The following ABCC9 variants were observed in gnomAD, a reference collection of about 807,000 sequenced individuals.
ABCC9 encodes ATP-binding cassette sub-family C member 9.
A neutral mutation model predicts 188.3 loss-of-function variants in ABCC9; 95 were observed. The ratio of observed to expected loss-of-function variants is 0.50; its 90% confidence interval spans 0.43 to 0.60. ABCC9 has a LOEUF of 0.60. Ranked by LOEUF, ABCC9 falls within the 20% of genes least tolerant of loss-of-function variation. The pLI is 0.00. For missense variants in ABCC9, 1,102 were observed against 1,876.3 expected (o/e 0.59, Z 7.62); for synonymous variants, 659 against 652.7 (o/e 1.01, Z -0.15).
At chr12:21,855,433 G>T (rs11046213) in intron 22 of ABCC9, among the ~76,000 whole-genome samples, 46,983 of 151,958 alleles carry the variant, frequency 0.31, 8,834 homozygotes, top group South Asian at 0.48. Context: ...TGTTGGTCAG[G>T]CTGGTTTCAT....
chr12:21,878,018 A>G (rs1946449916), intron 16 of ABCC9, among the ~76,000 whole-genome samples: 1 of 152,174 alleles, frequency 6.6e-6, no homozygotes, highest in Non-Finnish European at 1.5e-5. Context: ...TGTTAAAAAA[A>G]AAACAATGAC....
At chr12:21,897,761 C>T (rs1224970506) in intron 12 of ABCC9, among the ~76,000 whole-genome samples, 2 of 152,154 alleles carry the variant, frequency 1.3e-5, no homozygotes, top group Non-Finnish European at 2.9e-5. Context: ...AGAATCCCAG[C>T]TGCCTATCAA....
intron 18 of ABCC9, among the ~76,000 whole-genome samples, chr12:21,866,243 C>T (rs1012714500): frequency 7.2e-5 from 11 of 152,062 alleles, no homozygotes; most frequent in Admixed American, 2.6e-4. Context: ...TTTTATAGAG[C>T]TTGAACTTTT....
chr12:21,865,124 T>A (rs1945716819), intron 18 of ABCC9, among the ~76,000 whole-genome samples: 1 of 152,170 alleles, frequency 6.6e-6, no homozygotes, highest in Non-Finnish European at 1.5e-5. Flanking sequence ...TTGTTCTAAT[T>A]TTTTATAATT....
chr12:21,888,174 A>AG (rs1164000423), intron 14 of ABCC9, among the ~76,000 whole-genome samples: 1 of 152,154 alleles, frequency 6.6e-6, no homozygotes. Flanking sequence ...CAGAAAAATC[A>AG]GGACCACTTG....
At chr12:21,894,510 A>G (rs897918536) in intron 13 of ABCC9, among the ~76,000 whole-genome samples, 1 of 152,190 alleles carries the variant, frequency 6.6e-6, no homozygotes. Flanking sequence ...TCCAAGCAAT[A>G]CTAAATACTC....
rs1027894149 is a variant in ABCC9, at chr12:21,885,671, C to G, written c.1911+2155G>C. On this transcript the variant is annotated intron_variant, in intron 15 of 39. Transcript: ENST00000261200. ...TTGTCTTTGTGTCCATGTCCCCACA[C>G]TAACAAACAAGCATTTTGAGGCGTT... Among the ~76,000 whole-genome samples, 7 of 152,182 alleles carry G rather than the reference C, an allele frequency of 4.6e-5. 1 individual carries two copies. The East Asian group carries it at 7.7e-4, about 17-fold the overall frequency.
rs187876084 is a variant in ABCC9, at chr12:21,844,744, G to A, written c.3245+23C>T. The A allele has an allele frequency of 8.1e-6, 13 of 1,613,028 alleles. No homozygotes were observed. In the African/African-American group the frequency reaches 1.3e-4, roughly 17 times the overall value. On this transcript the variant is annotated intron_variant, in intron 27 of 39. Transcript: ENST00000261200. ...TATTTTTATTATTTTATGTGTGGGAGTGAGAAATAACCACTGTTTTACCTT... is the reference window on the plus strand; with the variant it reads ...TATTTTTATTATTTTATGTGTGGGAATGAGAAATAACCACTGTTTTACCTT...
At chr12:21,887,616 A>G (rs1322681322) in intron 15 of ABCC9, among the ~76,000 whole-genome samples, 1 of 152,122 alleles carries the variant, frequency 6.6e-6, no homozygotes, top group African/African-American at 2.4e-5. Flanking sequence ...GTCTCTTAGG[A>G]TAATTTTTTC....
chr12:21,843,983 C>T (rs1017502507), intron 28 of ABCC9, among the ~76,000 whole-genome samples: 4 of 152,156 alleles, frequency 2.6e-5, no homozygotes, highest in East Asian at 1.9e-4. Flanking sequence ...TTATTTCAAA[C>T]AAACTTTTAG....
chr12:21,821,294 T>C (rs16924332), intron 31 of ABCC9, among the ~76,000 whole-genome samples: 42,079 of 152,084 alleles, frequency 0.28, 6,919 homozygotes, highest in East Asian at 0.46. Flanking sequence ...CATTTAGAAC[T>C]GTAATATGAC....
intron 24 of ABCC9, among the ~76,000 whole-genome samples, chr12:21,848,661 G>T (rs1944811685): frequency 6.6e-6 from 1 of 152,120 alleles, no homozygotes; most frequent in Non-Finnish European, 1.5e-5. Context: ...TTCCAAGTTG[G>T]TTAAACTGAT....
In ABCC9 at chr12:21,837,811, G is replaced by T. The variant is rs183359925; in HGVS notation, c.3566+267C>A. ...CCATTTAATAGATGAGGAAACCAAG[G>T]TTAGAGAATTCAGATGCCTTATCCT... On this transcript the variant is annotated intron_variant, in intron 30 of 39. Coordinates refer to ENST00000261200, the MANE Select transcript of ABCC9 (RefSeq NM_020297.4). 3.2e-3 allele frequency among the ~76,000 whole-genome samples: 488 copies of T among 152,244 alleles called. 7 individuals carry two copies. The highest frequency in any genetic ancestry group is 6.9e-4 in the Non-Finnish European group (47 of 68,014).
chr12:21,833,843 C>A (rs1288674987), intron 30 of ABCC9, among the ~76,000 whole-genome samples: 1 of 152,288 alleles, frequency 6.6e-6, no homozygotes, highest in Admixed American at 6.5e-5. Context: ...TTAACTGTCC[C>A]ATCCCGCCTA....
At chr12:21,831,011 T>TATCTATCA (rs995163295) in intron 30 of ABCC9, 10 of 147,926 alleles carry the variant, frequency 6.8e-5, no homozygotes, top group Non-Finnish European at 1.5e-4. Context: ...TCTATCTATC[T>TATCTATCA]ATCATCAATC....
In ABCC9 at chr12:21,864,445, G is replaced by T. The variant is rs1945683126; in HGVS notation, c.2231C>A (p.Thr744Asn). 3 of 1,586,462 alleles carry T rather than the reference G, an allele frequency of 1.9e-6. No individual in the cohort carries two copies. The highest frequency in any genetic ancestry group is 2.6e-6 in the Non-Finnish European group (3 of 1,155,066). The stretch of plus-strand genomic sequence containing the variant: ...GTTAAAATAGAAATAATACCTTCTG[G>T]TTGCTTCAAAAGAAGGCTCAGATTC... ...VNESEPSFEA[T>N]RSRNRYSVAY... Residue 744 changes from threonine to asparagine, a missense_variant, in exon 19 of 40, where the codon ACC becomes AAC. Coordinates refer to ENST00000261200, the MANE Select transcript of ABCC9 (RefSeq NM_020297.4).
At chr12:21,914,100 T>G (rs951668582) in intron 7 of ABCC9, among the ~76,000 whole-genome samples, 30 of 152,186 alleles carry the variant, frequency 2.0e-4, no homozygotes, top group Non-Finnish European at 3.8e-4. Flanking sequence ...TGCCATTTAA[T>G]TTCATAACAC....
chr12:21,911,038 C>A, intron 8 of ABCC9, 60 bp from the exon 9 acceptor site: 1 of 1,494,518 alleles, frequency 6.7e-7, no homozygotes, highest in Non-Finnish European at 9.3e-7. Flanking sequence ...ACCAGGTGTA[C>A]AGTTTGCATT....
chr12:21,909,392 A>AT (rs777602308), intron 10 of ABCC9, among the ~76,000 whole-genome samples: 1 of 151,904 alleles, frequency 6.6e-6, no homozygotes, highest in African/African-American at 2.4e-5. Flanking sequence ...TAGATGACAG[A>AT]TTTTTTCAAA....
Sources: allele counts gnomAD v4.1 joint callset (sites outside exome capture counted in the v4.1 genomes callset), GRCh38; gene constraint gnomAD v4.1.1; transcripts MANE v1.5; gene names NCBI Gene and HGNC (gene_info 2026-07-23, HGNC 2026-07-21).